The following RBFOX1 variants were observed in gnomAD, a reference collection of about 807,000 sequenced individuals.
RBFOX1 encodes RNA binding fox-1 homolog 1.
In RBFOX1, 8 loss-of-function variants were observed where a neutral mutation model predicts 57.7. That is an observed-to-expected ratio of 0.14 (90% CI 0.08 to 0.25). RBFOX1 has a LOEUF of 0.25. RBFOX1 is among the 10% of genes least tolerant of loss of function. The pLI is 1.00. For synonymous variants in RBFOX1, 326 were observed against 222.4 expected (o/e 1.47, Z -4.15); for missense variants, 611 against 548.5 (o/e 1.11, Z -1.14).
intron 4 of RBFOX1, among the ~76,000 whole-genome samples, chr16:6,004,779 A>T (rs1255290879): frequency 2.6e-5 from 4 of 152,172 alleles, no homozygotes; most frequent in African/African-American, 9.7e-5. Context: ...ACCTCGGAGT[A>T]CTTTTTATTG....
At chr16:7,460,004 A>C (rs537168293) in intron 4 of RBFOX1, among the ~76,000 whole-genome samples, 1 of 152,296 alleles carries the variant, frequency 6.6e-6, no homozygotes, top group South Asian at 2.1e-4. Context: ...TAAACAAGAG[A>C]AACAGGTATG....
At chr16:5,304,777 G>C (rs551234085) in intron 1 of RBFOX1, among the ~76,000 whole-genome samples, 1 of 152,128 alleles carries the variant, frequency 6.6e-6, no homozygotes, top group Non-Finnish European at 1.5e-5. Context: ...TTTCTCTGTG[G>C]AAGAGGAATT....
chr16:6,407,862 T>G (rs1033135483), intron 2 of RBFOX1, among the ~76,000 whole-genome samples: 2 of 152,082 alleles, frequency 1.3e-5, no homozygotes, highest in Non-Finnish European at 2.9e-5. Context: ...CCTTTGTGAG[T>G]AGATCCCCAC....
intron 1 of RBFOX1, among the ~76,000 whole-genome samples, chr16:5,307,619 C>T (rs1567312140): frequency 6.6e-6 from 1 of 152,172 alleles, no homozygotes; most frequent in Non-Finnish European, 1.5e-5. Context: ...GGGAATTGTG[C>T]ACACATGTGC....
At chr16:7,251,156 C>A (rs1363750178) in intron 4 of RBFOX1, among the ~76,000 whole-genome samples, 2 of 152,108 alleles carry the variant, frequency 1.3e-5, no homozygotes, top group East Asian at 3.9e-4. Context: ...CAACATCTCC[C>A]CAACCCTCAC....
intron 1 of RBFOX1, among the ~76,000 whole-genome samples, chr16:5,240,868 G>C (rs576033632): frequency 2.0e-5 from 3 of 152,294 alleles, no homozygotes; most frequent in Non-Finnish European, 4.4e-5. Context: ...TTCCTGTGTG[G>C]CTTTGCTGGC....
chr16:7,182,914 G>A (rs567312882), intron 4 of RBFOX1, among the ~76,000 whole-genome samples: 1 of 152,088 alleles, frequency 6.6e-6, no homozygotes, highest in African/African-American at 2.4e-5. Flanking sequence ...ACATGCCCTG[G>A]TCATAAATTA....
chr16:7,447,988 AG>A (rs1309564183), intron 4 of RBFOX1, among the ~76,000 whole-genome samples: 4 of 152,174 alleles, frequency 2.6e-5, no homozygotes, highest in Non-Finnish European at 5.9e-5. Context: ...GTTGGGATGT[AG>A]GGATTTCCAC....
chr16:6,305,177 T>C (rs917571863), intron 1 of RBFOX1, among the ~76,000 whole-genome samples: 1 of 152,228 alleles, frequency 6.6e-6, no homozygotes, highest in South Asian at 2.1e-4. Flanking sequence ...TGATGTCTAC[T>C]TGGGATGGAA....
intron 3 of RBFOX1, among the ~76,000 whole-genome samples, chr16:5,772,593 C>A (rs974017377): frequency 6.6e-6 from 1 of 152,096 alleles, no homozygotes; most frequent in Non-Finnish European, 1.5e-5. Flanking sequence ...AGTATTTATT[C>A]ATGGCTGATT....
rs146126701 is a variant in RBFOX1, at chr16:5,663,435, C to T, written c.318+64474C>T. ...GGCCAGGCTGTCCTCAAACTCCTGG[C>T]CTCAAGCTATCCTCCCACTTCAGCC... is the stretch of plus-strand genomic sequence containing the variant. On this transcript the variant is annotated intron_variant, in intron 3 of 19. Coordinates refer to the RBFOX1 transcript ENST00000641259. Among the ~76,000 whole-genome samples, 538 of 151,800 alleles carry T rather than the reference C, an allele frequency of 3.5e-3. 4 individuals carry two copies. The highest frequency in any genetic ancestry group is 0.011 in the African/African-American group (466 of 41,368).
chr16:7,454,772 C>T (rs1003793758), intron 4 of RBFOX1, among the ~76,000 whole-genome samples: 34 of 152,214 alleles, frequency 2.2e-4, no homozygotes, highest in African/African-American at 8.0e-4. Flanking sequence ...AATTGCCCAT[C>T]TGTGTTTTCT....
At chr16:6,912,890 G>C (rs2072062884) in intron 3 of RBFOX1, among the ~76,000 whole-genome samples, 1 of 152,062 alleles carries the variant, frequency 6.6e-6, no homozygotes, top group South Asian at 2.1e-4. Context: ...AAAGTGCTGG[G>C]ATTACAGGCA....
At position 5,496,288 on chromosome 16, in the gene RBFOX1, C is replaced by T. The variant is rs150899556; in HGVS notation, c.258+29034C>T. 4.5e-3 allele frequency among the ~76,000 whole-genome samples: 684 copies of T among 152,282 alleles called. 1 individual carries two copies. Among genetic ancestry groups the T allele is most frequent in the African/African-American group, 0.016 (656 of 41,536 alleles). On this transcript the variant is annotated intron_variant, in intron 2 of 2. Transcript: ENST00000585867. Reference sequence around the variant, plus strand: ...TCACTATTTTCTTAATTTCTTCTCACGCTGGTGTCAAGAGCCTGGACATTG... The same window carrying T: ...TCACTATTTTCTTAATTTCTTCTCATGCTGGTGTCAAGAGCCTGGACATTG...
In RBFOX1 at chr16:5,760,448, A is replaced by G. The variant is rs1597137844; in HGVS notation, c.319-106855A>G. 2.6e-5 allele frequency among the ~76,000 whole-genome samples: 4 copies of G among 152,300 alleles called. No individual in the cohort carries two copies. The South Asian group carries it at 6.2e-4, about 24-fold the overall frequency. The stretch of plus-strand genomic sequence containing the variant: ...GAATTGTAAGTAGGTATTCAATTAC[A>G]TGTCCATATACGTGAGTAGCAGCAT... On this transcript the variant is annotated intron_variant, in intron 3 of 19. Coordinates refer to the RBFOX1 transcript ENST00000641259.
At chr16:5,713,132 C>G (rs545337646) in intron 3 of RBFOX1, among the ~76,000 whole-genome samples, 1 of 152,338 alleles carries the variant, frequency 6.6e-6, no homozygotes, top group East Asian at 1.9e-4. Context: ...TGAACCGACA[C>G]TGAATGAACT....
At chr16:5,661,264 C>A (rs569078106) in intron 3 of RBFOX1, among the ~76,000 whole-genome samples, 3 of 152,130 alleles carry the variant, frequency 2.0e-5, no homozygotes, top group Non-Finnish European at 4.4e-5. Context: ...ATATGACATA[C>A]GCTATATACT....
At chr16:7,116,841 C>T (rs1404469816) in intron 4 of RBFOX1, among the ~76,000 whole-genome samples, 1 of 152,130 alleles carries the variant, frequency 6.6e-6, no homozygotes, top group South Asian at 2.1e-4. Context: ...AGACCATCCC[C>T]TCAAGGGTTT....
chr16:6,086,852 A>G (rs1319915014), intron 1 of RBFOX1, among the ~76,000 whole-genome samples: 1 of 152,210 alleles, frequency 6.6e-6, no homozygotes, highest in Admixed American at 6.5e-5. Flanking sequence ...AACATGAAAG[A>G]GACAATGCAT....
Sources: gnomAD v4.1 joint callset for allele counts (sites outside exome capture counted in the v4.1 genomes callset) on GRCh38, gnomAD v4.1.1 for gene constraint, MANE v1.5 for transcripts, NCBI Gene and HGNC (gene_info 2026-07-23, HGNC 2026-07-21) for gene names.